The following SLC22A23 variants were observed in gnomAD, a reference collection of about 807,000 sequenced individuals.
SLC22A23 encodes the protein ion transporter protein.
A neutral mutation model predicts 61.0 loss-of-function variants in SLC22A23; 26 were observed. The ratio of observed to expected loss-of-function variants is 0.43; its 90% CI spans 0.31 to 0.59. The LOEUF (loss-of-function observed/expected upper bound fraction) is 0.59, where lower values mean the gene tolerates loss of function less well. Among genes scored for constraint, SLC22A23 ranks in the 20% least tolerant of loss-of-function variants. SLC22A23 has a pLI of 0.11. For missense variants in SLC22A23, 796 were observed against 934.7 expected (o/e 0.85, Z 1.94); for synonymous variants, 430 against 413.9 (o/e 1.04, Z -0.47).
intron 6 of SLC22A23, among the ~76,000 whole-genome samples, chr6:3,288,433 C>T (rs1760257946): frequency 1.3e-5 from 2 of 152,208 alleles, no homozygotes; most frequent in Non-Finnish European, 2.9e-5. Flanking sequence ...TAGGCAGAGG[C>T]CCCAGCCCCC....
intron 1 of SLC22A23, among the ~76,000 whole-genome samples, chr6:3,449,033 T>C (rs1772049155): frequency 6.6e-6 from 1 of 152,204 alleles, no homozygotes; most frequent in South Asian, 2.1e-4. Flanking sequence ...CTGGCTAGCC[T>C]CTAATCCTTA....
chr6:3,434,756 A>G (rs1294521299), intron 1 of SLC22A23, among the ~76,000 whole-genome samples: 1 of 152,234 alleles, frequency 6.6e-6, no homozygotes, highest in Non-Finnish European at 1.5e-5. Flanking sequence ...GGTGTGGCCA[A>G]TCCACCAACG....
chr6:3,350,056 A>G (rs146698058), intron 3 of SLC22A23, among the ~76,000 whole-genome samples: 109 of 152,358 alleles, frequency 7.2e-4, no homozygotes, highest in African/African-American at 2.3e-3. Flanking sequence ...CATGGTTGAT[A>G]GAAAATTATT....
intron 3 of SLC22A23, among the ~76,000 whole-genome samples, chr6:3,362,088 A>ATT (rs67832731): frequency 1.1e-4 from 17 of 150,620 alleles, no homozygotes; most frequent in South Asian, 2.1e-4. Flanking sequence ...GGAAAAATAA[A>ATT]TTTTTTTTTT....
rs1003005456 is a variant in SLC22A23 at position 3,329,192 on chromosome 6, G to A, written c.914-5190C>T. On this transcript the variant is annotated intron_variant, in intron 3 of 9. Transcript: ENST00000406686. The surrounding 1 kb of genome is among the most constrained non-coding windows in gnomAD (Gnocchi z 4.8). ...CTCATCCCCCACAAACACACACACC[G>A]ATCTAACTGTTCATTGGATTCAGTG... is the stretch of plus-strand genomic sequence containing the variant. Among the ~76,000 whole-genome samples, 5 of 150,852 alleles carry A rather than the reference G, an allele frequency of 3.3e-5. No homozygotes were observed. Among genetic ancestry groups the A allele is most frequent in the African/African-American group, 9.8e-5 (4 of 40,950 alleles).
At chr6:3,346,979 T>G (rs2127429487) in intron 3 of SLC22A23, among the ~76,000 whole-genome samples, 1 of 152,308 alleles carries the variant, frequency 6.6e-6, no homozygotes, top group African/African-American at 2.4e-5. Flanking sequence ...GACATATGTA[T>G]TAAGGGAATC....
At chr6:3,293,038 G>A (rs1212357940) in intron 5 of SLC22A23, among the ~76,000 whole-genome samples, 1 of 152,230 alleles carries the variant, frequency 6.6e-6, no homozygotes, top group Non-Finnish European at 1.5e-5. Flanking sequence ...GACAGCAGAG[G>A]ACGCAGTGGC....
At chr6:3,409,929 G>A (rs988672401) in intron 3 of SLC22A23, among the ~76,000 whole-genome samples, 2 of 152,134 alleles carry the variant, frequency 1.3e-5, no homozygotes, top group Admixed American at 6.5e-5. Flanking sequence ...AGAACCGATC[G>A]CCACTCCTCC....
At position 3,271,432 on chromosome 6, in the gene SLC22A23, G is replaced by A. The variant is rs545823895; in HGVS notation, c.*1623C>T. 9.8e-5 allele frequency: 15 copies of A among 152,536 alleles called. No individual in the cohort carries two copies. The highest frequency in any genetic ancestry group is 3.4e-3 in the Middle Eastern group (1 of 294). The allele number at this position is 152,536 out of a possible 1,614,324, so 9.4% of individuals were successfully genotyped here. A position where few individuals can be genotyped will look rare whatever the true frequency, so the allele number is the denominator to read the frequency against. Reference sequence around the variant, plus strand: ...TGTGGACCGCATGTGGAGGAGACATGAGTGGCGACAGCAAGCAGCAGGCCG... The same window carrying A: ...TGTGGACCGCATGTGGAGGAGACATAAGTGGCGACAGCAAGCAGCAGGCCG... On this transcript the variant is annotated 3_prime_UTR_variant, in exon 10 of 10. Transcript: ENST00000406686.
intron 3 of SLC22A23, among the ~76,000 whole-genome samples, chr6:3,380,337 T>G (rs1309714613): frequency 1.3e-5 from 2 of 152,214 alleles, no homozygotes; most frequent in Non-Finnish European, 2.9e-5. Flanking sequence ...AGTATAAGGC[T>G]GAACTATTTC....
At chr6:3,389,480 A>G (rs1191138330) in intron 3 of SLC22A23, among the ~76,000 whole-genome samples, 3 of 152,180 alleles carry the variant, frequency 2.0e-5, no homozygotes, top group Non-Finnish European at 4.4e-5. Context: ...CCAGAGAAAC[A>G]AGCTGGTGAG....
intron 4 of SLC22A23, 21 bp from the exon 5 acceptor site, chr6:3,298,239 T>C (rs1436963569): frequency 8.8e-6 from 14 of 1,582,822 alleles, no homozygotes; most frequent in Non-Finnish European, 1.2e-5. Context: ...ACAAAGGGGA[T>C]CAGTGAATGT....
chr6:3,434,607 TCAAA>T (rs1260237039), intron 1 of SLC22A23, among the ~76,000 whole-genome samples: 1 of 142,460 alleles, frequency 7.0e-6, no homozygotes, highest in Non-Finnish European at 1.5e-5. Flanking sequence ...AGACTCCATC[TCAAA>T]AAAAAAAAAA....
intron 1 of SLC22A23, among the ~76,000 whole-genome samples, chr6:3,429,195 GA>G (rs1168165033): frequency 6.6e-6 from 1 of 152,212 alleles, no homozygotes; most frequent in Non-Finnish European, 1.5e-5. Flanking sequence ...TGAAGGAAGA[GA>G]GGGGGGATAT....
At chr6:3,361,214 GA>G (rs1385408439) in intron 3 of SLC22A23, among the ~76,000 whole-genome samples, 1 of 151,652 alleles carries the variant, frequency 6.6e-6, no homozygotes, top group Non-Finnish European at 1.5e-5. Flanking sequence ...AAAAAAAAGA[GA>G]GGGAAACGTG....
intron 4 of SLC22A23, 55 bp from the exon 5 acceptor site, chr6:3,298,273 G>A (rs544477945): frequency 1.4e-5 from 21 of 1,551,590 alleles, no homozygotes; most frequent in Middle Eastern, 1.7e-4. Flanking sequence ...ACGGCACCGG[G>A]AAGTGTGGCT....
chr6:3,326,981 G>T (rs1259155543), intron 3 of SLC22A23, among the ~76,000 whole-genome samples: 3 of 141,502 alleles, frequency 2.1e-5, no homozygotes, highest in Admixed American at 2.1e-4. Flanking sequence ...GAGGGACGGG[G>T]ACTGCAGGTG....
At chr6:3,388,887 G>A (rs1280932978) in intron 3 of SLC22A23, among the ~76,000 whole-genome samples, 1 of 152,152 alleles carries the variant, frequency 6.6e-6, no homozygotes, top group African/African-American at 2.4e-5. Flanking sequence ...ACAGACAGCA[G>A]AATGGGGGTT....
At chr6:3,452,596 G>A (rs1170162785) in intron 1 of SLC22A23, among the ~76,000 whole-genome samples, 1 of 72,100 alleles carries the variant, frequency 1.4e-5, no homozygotes, top group Non-Finnish European at 2.4e-5. Flanking sequence ...GCCAGACGCT[G>A]TCTAAAAAAA....
Sources: gnomAD v4.1 joint callset for allele counts (sites outside exome capture counted in the v4.1 genomes callset) on GRCh38, gnomAD v4.1.1 for gene constraint, Gnocchi (gnomAD v3.1) non-coding constraint, MANE v1.5 for transcripts, NCBI Gene and HGNC (gene_info 2026-07-23, HGNC 2026-07-21) for gene names.